AUTS2: variants seen among roughly 807,000 people sequenced by gnomAD.
AUTS2 encodes the protein activator of transcription and developmental regulator AUTS2, also known as autism susceptibility gene 2 protein.
In AUTS2, 17 loss-of-function variants were observed where a neutral mutation model predicts 112.4. The observed-to-expected ratio is 0.15, with a 90% confidence interval of 0.10 to 0.23. The LOEUF (loss-of-function observed/expected upper bound fraction) is 0.23. Ranked by LOEUF, AUTS2 falls within the 10% of genes least tolerant of loss-of-function variation. The pLI is 1.00. For missense variants in AUTS2, 1,510 were observed against 1,701.6 expected (o/e 0.89, Z 1.98); for synonymous variants, 751 against 702.7 (o/e 1.07, Z -1.09).
chr7:69,756,261 G>C (rs1020161437), intron 1 of AUTS2, among the ~76,000 whole-genome samples: 2 of 152,216 alleles, frequency 1.3e-5, no homozygotes, highest in African/African-American at 4.8e-5. Flanking sequence ...AGGCGGAGAA[G>C]AAATTATAGG....
intron 5 of AUTS2, among the ~76,000 whole-genome samples, chr7:70,605,196 A>G (rs1395492323): frequency 6.6e-6 from 1 of 152,222 alleles, no homozygotes; most frequent in Non-Finnish European, 1.5e-5. Flanking sequence ...TCCACTTTAA[A>G]GCATCATAAA....
intron 2 of AUTS2, among the ~76,000 whole-genome samples, chr7:69,931,202 A>ACTTG (rs563998010): frequency 8.6e-5 from 13 of 151,920 alleles, no homozygotes; most frequent in African/African-American, 1.2e-4. Flanking sequence ...TTGAAACCAG[A>ACTTG]CTTGCCATTC....
intron 2 of AUTS2, among the ~76,000 whole-genome samples, chr7:69,909,470 T>C (rs1193563132): frequency 1.3e-5 from 2 of 152,190 alleles, no homozygotes; most frequent in African/African-American, 2.4e-5. Flanking sequence ...GATGATGAGC[T>C]CTTAAGGTTT....
intron 5 of AUTS2, among the ~76,000 whole-genome samples, chr7:70,530,489 C>G (rs1415977054): frequency 6.6e-6 from 1 of 152,126 alleles, no homozygotes; most frequent in African/African-American, 2.4e-5. Flanking sequence ...TTCTGTGCGG[C>G]ACAGATAGAA....
At chr7:70,623,661 A>T (rs1430236132) in intron 5 of AUTS2, among the ~76,000 whole-genome samples, 1 of 152,208 alleles carries the variant, frequency 6.6e-6, no homozygotes, top group African/African-American at 2.4e-5. Flanking sequence ...GGATCACTGG[A>T]TCTAAAGCCA....
intron 3 of AUTS2, among the ~76,000 whole-genome samples, chr7:70,133,031 C>A (rs970644497): frequency 5.3e-5 from 8 of 152,196 alleles, no homozygotes; most frequent in African/African-American, 1.9e-4. Flanking sequence ...GAAGTTGTCT[C>A]CATGACTACT....
chr7:70,061,249 T>C (rs1256698627), intron 2 of AUTS2, among the ~76,000 whole-genome samples: 1 of 152,166 alleles, frequency 6.6e-6, no homozygotes, highest in Non-Finnish European at 1.5e-5. Flanking sequence ...AGTGAAATCA[T>C]GTCTGTGAAG....
Position 69,903,732 on chromosome 7 carries a change from T to C in AUTS2, c.522+4234T>C, listed in dbSNP as rs75665131. Among the ~76,000 whole-genome samples the C allele has an allele frequency of 7.2e-5, 11 of 152,314 alleles. No individual in the cohort carries two copies. In the East Asian group the frequency reaches 2.1e-3, roughly 29 times the overall value. ...TAAAGAAAGAGGCAACCTGTTGAGATTGCTTTAGTCACAGGAGAACATCAT... is the reference window on the plus strand; with the variant it reads ...TAAAGAAAGAGGCAACCTGTTGAGACTGCTTTAGTCACAGGAGAACATCAT... On this transcript the variant is annotated intron_variant, in intron 2 of 18. Coordinates refer to ENST00000342771, the MANE Select transcript of AUTS2 (RefSeq NM_015570.4).
intron 4 of AUTS2, among the ~76,000 whole-genome samples, chr7:70,236,252 T>C (rs892790009): frequency 6.6e-6 from 1 of 152,240 alleles, no homozygotes; most frequent in African/African-American, 2.4e-5. Context: ...TAGCCATGAA[T>C]TTAATTTATA....
chr7:70,422,408 A>C (rs1424747107), intron 4 of AUTS2, among the ~76,000 whole-genome samples: 1 of 152,220 alleles, frequency 6.6e-6, no homozygotes, highest in Non-Finnish European at 1.5e-5. Flanking sequence ...TGATTTTCAT[A>C]AAAGAGTAAC....
intron 4 of AUTS2, among the ~76,000 whole-genome samples, chr7:70,219,783 G>A (rs1473433192): frequency 1.3e-5 from 2 of 151,966 alleles, no homozygotes; most frequent in Admixed American, 1.3e-4. Flanking sequence ...CATTGGTCAG[G>A]CTGATCTCGA....
At chr7:69,981,003 A>T (rs1798274672) in intron 2 of AUTS2, among the ~76,000 whole-genome samples, 1 of 152,236 alleles carries the variant, frequency 6.6e-6, no homozygotes, top group Non-Finnish European at 1.5e-5. Flanking sequence ...GAATCATTTT[A>T]ACTTCCCTTT....
chr7:70,720,828 T>A (rs1366171831), intron 6 of AUTS2, among the ~76,000 whole-genome samples: 1 of 152,150 alleles, frequency 6.6e-6, no homozygotes, highest in Non-Finnish European at 1.5e-5. Flanking sequence ...GAAAATGAGT[T>A]CAAGCTCAGA....
chr7:70,563,412 T>G (rs552216220), intron 5 of AUTS2, among the ~76,000 whole-genome samples: 1 of 152,230 alleles, frequency 6.6e-6, no homozygotes, highest in African/African-American at 2.4e-5. Context: ...CCCAATTACA[T>G]GTGCCATTTC....
chr7:69,843,651 CA>C (rs1792074171), intron 1 of AUTS2, among the ~76,000 whole-genome samples: 1 of 152,050 alleles, frequency 6.6e-6, no homozygotes, highest in Admixed American at 6.6e-5. Context: ...TGTAGAGTAC[CA>C]GGGGGAATGT....
chr7:70,230,888 A>G (rs1207134734), intron 4 of AUTS2, among the ~76,000 whole-genome samples: 1 of 152,206 alleles, frequency 6.6e-6, no homozygotes, highest in African/African-American at 2.4e-5. Context: ...AATTTTCCAC[A>G]TAAAATCAGT....
chr7:70,756,111 T>C (rs1789180878), intron 6 of AUTS2, among the ~76,000 whole-genome samples: 1 of 152,222 alleles, frequency 6.6e-6, no homozygotes. Flanking sequence ...TCCAGTCTCT[T>C]TTCTGTGCAT....
chr7:69,966,973 G>A (rs950885379), intron 2 of AUTS2, among the ~76,000 whole-genome samples: 1 of 152,184 alleles, frequency 6.6e-6, no homozygotes, highest in South Asian at 2.1e-4. Flanking sequence ...ACGTAAGGGG[G>A]AATAGTAAGA....
chr7:70,332,637 G>T (rs750588181), intron 4 of AUTS2, among the ~76,000 whole-genome samples: 4 of 151,958 alleles, frequency 2.6e-5, no homozygotes, highest in African/African-American at 7.2e-5. Context: ...GGAACAGAAC[G>T]GTGGCCTCAG....
Sources: allele counts gnomAD v4.1 joint callset (sites outside exome capture counted in the v4.1 genomes callset), GRCh38; gene constraint gnomAD v4.1.1; transcripts MANE v1.5; gene names NCBI Gene and HGNC (gene_info 2026-07-23, HGNC 2026-07-21).